The following CATSPERD variants were observed in gnomAD, a reference collection of about 807,000 sequenced individuals.
CATSPERD encodes the protein cation channel sperm-associated auxiliary subunit delta.
A neutral mutation model predicts 98.1 loss-of-function variants in CATSPERD; 86 were observed. That is an observed-to-expected ratio of 0.88 (90% CI 0.74 to 1.05). The LOEUF is 1.05. CATSPERD is among the 50% of genes least tolerant of loss of function. The pLI is 0.00. For missense variants in CATSPERD, 995 were observed against 1,005.7 expected, an observed-to-expected ratio of 0.99 and a Z score of 0.14; for synonymous variants, 394 against 390.2, an observed-to-expected ratio of 1.01 and a Z score of -0.12.
At chr19:5,724,899 T>C in intron 2 of CATSPERD, 37 bp downstream of exon 2, 1 of 1,599,912 alleles carries the variant, frequency 6.3e-7, no homozygotes, top group East Asian at 2.2e-5. Flanking sequence ...CCTTCACTTT[T>C]GTCTAAGTAC....
chr19:5,736,501 G>A (rs966468802), intron 5 of CATSPERD, among the ~76,000 whole-genome samples: 8 of 151,178 alleles, frequency 5.3e-5, no homozygotes, highest in South Asian at 2.1e-4. Flanking sequence ...TGGATCACTC[G>A]AGGTCAGGAG....
chr19:5,740,707 T>C (rs1183318823), intron 7 of CATSPERD, among the ~76,000 whole-genome samples: 1 of 145,176 alleles, frequency 6.9e-6, no homozygotes, highest in East Asian at 2.0e-4. Flanking sequence ...CAGAAGTTGC[T>C]TGAGCCAAGA....
At chr19:5,772,213 AATTTTTTTTTT>A in intron 19 of CATSPERD, 3 of 208,582 alleles carry the variant, frequency 1.4e-5, no homozygotes, top group South Asian at 5.7e-5. Context: ...ATGCCCGGTT[AATTTTTTTTTT>A]TTTTTTTTTT....
intron 11 of CATSPERD, among the ~76,000 whole-genome samples, chr19:5,750,296 G>A (rs1258416482): frequency 8.2e-5 from 12 of 147,028 alleles, no homozygotes; most frequent in South Asian, 2.2e-4. Context: ...AAAAAAATAC[G>A]AAAAAATTAG....
At position 5,741,178 on chromosome 19, in the gene CATSPERD, T is replaced by TATCA. The variant is rs1417089849; in HGVS notation, c.573+1740_573+1743dup. On this transcript the variant is annotated intron_variant, in intron 7 of 21. Coordinates refer to ENST00000381624, the MANE Select transcript of CATSPERD (RefSeq NM_152784.4). ...CACATGCCCACCTGAAGATTGGTAC[T>TATCA]ATCAGGTTCATCATCATGCTCACTT... Among the ~76,000 whole-genome samples the TATCA allele has an allele frequency of 2.6e-5, 4 of 152,298 alleles. No individual in the cohort carries two copies. The East Asian group carries it at 7.7e-4, about 29-fold the overall frequency.
At chr19:5,753,590 C>T (rs1370594335) in intron 12 of CATSPERD, 3 of 403,374 alleles carry the variant, frequency 7.4e-6, no homozygotes, top group Non-Finnish European at 1.5e-5. Flanking sequence ...AGAAAGAGGT[C>T]AGGCGCAGTG....
At chr19:5,729,826 C>T (rs1367667610) in intron 3 of CATSPERD, 46 bp from the exon 4 acceptor site, 18 of 1,208,722 alleles carry the variant, frequency 1.5e-5, no homozygotes, top group Admixed American at 9.9e-5. Flanking sequence ...TTTTTCTTTC[C>T]TTGTGTGACA....
chr19:5,765,976 C>T (rs911300150), intron 16 of CATSPERD, 127 bp from the exon 17 acceptor site: 8 of 583,256 alleles, frequency 1.4e-5, no homozygotes, highest in East Asian at 3.1e-5. Flanking sequence ...TCCAGGGACA[C>T]GCTGTTGGGA....
chr19:5,731,057 A>C lies in CATSPERD; in HGVS notation c.276+1113A>C, dbSNP rs2055706796. 5.4e-5 allele frequency among the ~76,000 whole-genome samples: 8 copies of C among 147,940 alleles called. No individual in the cohort carries two copies. In the South Asian group the frequency reaches 1.7e-3, roughly 32 times the overall value. On this transcript the variant is annotated intron_variant, in intron 4 of 21. Coordinates refer to ENST00000381624, the MANE Select transcript of CATSPERD (RefSeq NM_152784.4). ...TAGTGAGCCGTGATCGCACCACTGC[A>C]CTCCAGCCTGGGTGACAGAGCGAGA...
intron 15 of CATSPERD, among the ~76,000 whole-genome samples, chr19:5,762,048 ATATATATATATT>A (rs1415281417): frequency 0.015 from 311 of 20,500 alleles, 3 homozygotes; most frequent in African/African-American, 0.042. Flanking sequence ...TGCCATATAT[ATATATATATATT>A]TTTTTTTTTT....
intron 1 of CATSPERD, 93 bp downstream of exon 1, chr19:5,720,901 C>T: frequency 2.0e-6 from 2 of 979,560 alleles, no homozygotes; most frequent in South Asian, 1.6e-5. Flanking sequence ...CCCAACCTCA[C>T]TGAGGCTCCC....
chr19:5,739,186 A>T, intron 6 of CATSPERD, 140 bp from the exon 7 acceptor site: 1 of 601,380 alleles, frequency 1.7e-6, no homozygotes, highest in South Asian at 1.9e-5. Context: ...TTTGGCTATC[A>T]GAAACAGCCC....
In CATSPERD at chr19:5,737,217, T is replaced by G. The variant is rs373015971; in HGVS notation, c.459+12T>G. On this transcript the variant is annotated intron_variant, in intron 6 of 21. Transcript: ENST00000381624. Reference sequence around the variant, plus strand: ...GTTTGTTTTGTGTGGTAAGTATAAGTGTATAATTGTTCATTTTTTTTTGCT... The same window carrying G: ...GTTTGTTTTGTGTGGTAAGTATAAGGGTATAATTGTTCATTTTTTTTTGCT... The G allele has an allele frequency of 1.1e-5, 18 of 1,574,532 alleles. No individual in the cohort carries two copies. The African/African-American group carries it at 1.9e-4, about 17-fold the overall frequency.
chr19:5,747,205 CT>C (rs2056111769), intron 9 of CATSPERD, among the ~76,000 whole-genome samples: 1 of 135,464 alleles, frequency 7.4e-6, no homozygotes, highest in African/African-American at 2.8e-5. Flanking sequence ...CACAGTTTCA[CT>C]CTGTCATCGA....
At chr19:5,760,851 T>G (rs960143570) in intron 15 of CATSPERD, among the ~76,000 whole-genome samples, 2 of 151,494 alleles carry the variant, frequency 1.3e-5, no homozygotes, top group Admixed American at 6.6e-5. Flanking sequence ...AGTTTCAGGT[T>G]GTAGTAAGTT....
intron 19 of CATSPERD, chr19:5,772,402 T>A (rs1246090048): frequency 3.9e-6 from 1 of 256,920 alleles, no homozygotes; most frequent in Non-Finnish European, 7.8e-6. Flanking sequence ...TAATTTTTTT[T>A]ATTTTTAGTA....
chr19:5,746,435 TC>T (rs1475651827), intron 9 of CATSPERD, among the ~76,000 whole-genome samples: 1 of 123,870 alleles, frequency 8.1e-6, no homozygotes, highest in Admixed American at 8.2e-5. Flanking sequence ...CATTTCTTTC[TC>T]TTTTTTTTTT....
intron 1 of CATSPERD, 108 bp from the exon 2 acceptor site, chr19:5,724,700 C>A: frequency 1.7e-6 from 2 of 1,144,562 alleles, no homozygotes. Flanking sequence ...CTCCGTCCCC[C>A]CCAAAAAAGA....
intron 4 of CATSPERD, among the ~76,000 whole-genome samples, chr19:5,730,632 C>T (rs185045021): frequency 7.6e-4 from 116 of 152,194 alleles, no homozygotes; most frequent in Non-Finnish European, 1.4e-3. Flanking sequence ...AAGACTCCCT[C>T]AGTCAGGTAC....
Sources: allele counts gnomAD v4.1 joint callset (sites outside exome capture counted in the v4.1 genomes callset), GRCh38; gene constraint gnomAD v4.1.1; transcripts MANE v1.5; gene names NCBI Gene and HGNC (gene_info 2026-07-23, HGNC 2026-07-21).